Variants in APLN observed in about 807,000 individuals in gnomAD.
The protein encoded by APLN is AGTRL1 ligand.
Under a neutral mutation model 4.3 loss-of-function variants are expected in APLN, and 2 were observed. The ratio of observed to expected loss-of-function variants is 0.46; its 90% CI spans 0.19 to 1.45. The LOEUF (loss-of-function observed/expected upper bound fraction) is 1.45. Ranked by LOEUF, APLN falls within the 40% of genes most tolerant of loss-of-function variation. The probability of loss-of-function intolerance (pLI) is 0.25; values close to 1 mark genes in which losing one functional copy is unlikely to be tolerated. For missense variants in APLN, 80 were observed against 70.0 expected, an observed-to-expected ratio of 1.14 and a Z score of -0.51; for synonymous variants, 34 against 30.4, an observed-to-expected ratio of 1.12 and a Z score of -0.38.
intron 1 of APLN, among the ~76,000 whole-genome samples, chrX:129,649,890 G>A (rs1305376263): frequency 9.0e-6 from 1 of 111,322 alleles, no homozygotes; most frequent in Non-Finnish European, 1.9e-5. Flanking sequence ...GAGGGAAAAG[G>A]CATGCAGGCC....
chrX:129,649,558 T>A (rs944794180), intron 1 of APLN, among the ~76,000 whole-genome samples: 1 of 111,245 alleles, frequency 9.0e-6, no homozygotes, highest in African/African-American at 3.3e-5. Context: ...GACCAATAAA[T>A]ATTGCATGAA....
At chrX:129,653,832 A>G (rs185750275) in intron 1 of APLN, among the ~76,000 whole-genome samples, 98 of 111,673 alleles carry the variant, frequency 8.8e-4, no homozygotes, top group African/African-American at 3.0e-3. Context: ...TGGAGCCAGG[A>G]TGTAAGAGAA....
Position 129,645,770 on chromosome X carries a change from C to A in APLN, c.*2153G>T, listed in dbSNP as rs1936935355. The A allele has an allele frequency of 8.9e-6, 1 of 112,484 alleles. No homozygotes were observed. Among genetic ancestry groups the A allele is most frequent in the Non-Finnish European group, 1.9e-5 (1 of 53,240 alleles). 9.3% of individuals were successfully genotyped at this position (112,484 alleles called of 1,213,427 possible). On this transcript the variant is annotated 3_prime_UTR_variant, in exon 3 of 3. Coordinates refer to ENST00000429967, the MANE Select transcript of APLN (RefSeq NM_017413.5). ...CCATGACCCCCAGGGGAAAGGAATG[C>A]CCCTCCTGAACATGACCTCCAAGAG...
intron 1 of APLN, among the ~76,000 whole-genome samples, chrX:129,649,588 G>A (rs1936965580): frequency 9.0e-6 from 1 of 111,550 alleles, no homozygotes; most frequent in Admixed American, 9.5e-5. Context: ...ATGAATAAAT[G>A]AAACAATGGT....
chrX:129,654,526 C>G, intron 1 of APLN, 38 bp downstream of exon 1: 3 of 1,133,076 alleles, frequency 2.6e-6, no homozygotes, highest in South Asian at 4.0e-5. Context: ...AGGAGCACGC[C>G]GGCTGCAGCC....
chrX:129,652,638 C>T (rs1335439981), intron 1 of APLN, among the ~76,000 whole-genome samples: 2 of 112,467 alleles, frequency 1.8e-5, no homozygotes, highest in Admixed American at 9.3e-5. Flanking sequence ...GTGAGGGCAA[C>T]GAATTTATCC....
In APLN at chrX:129,646,830, G is replaced by C. The variant is rs918665735; in HGVS notation, c.*1093C>G. The C allele has an allele frequency of 8.9e-6, 1 of 112,358 alleles. No individual in the cohort carries two copies. The highest frequency in any genetic ancestry group is 3.2e-5 in the African/African-American group (1 of 30,778). 9.3% of individuals were successfully genotyped at this position (112,358 alleles called of 1,213,427 possible). On this transcript the variant is annotated 3_prime_UTR_variant, in exon 3 of 3. Coordinates refer to ENST00000429967, the MANE Select transcript of APLN (RefSeq NM_017413.5). ...GGGGTAGGTCAGGGAGGTGGGAGCA[G>C]CTCCAGCCCCACAACAGGACAGTTC...
chrX:129,652,285 C>G (rs1050224016), intron 1 of APLN, among the ~76,000 whole-genome samples: 14 of 111,186 alleles, frequency 1.3e-4, no homozygotes, highest in African/African-American at 4.6e-4. Flanking sequence ...GAGGAGTGTA[C>G]GTGGTGGTAG....
At position 129,645,526 on chromosome X, in the gene APLN, T is replaced by TA. The variant is rs201008514; in HGVS notation, c.*2396dup. 3.5e-3 allele frequency: 392 copies of TA among 112,726 alleles called. 3 individuals carry two copies. The highest frequency in any genetic ancestry group is 0.028 in the East Asian group (101 of 3,607). The allele number at this position is 112,726 out of a possible 1,213,427, so 9.3% of individuals were successfully genotyped here. A position where few individuals can be genotyped will look rare whatever the true frequency, so the allele number is the denominator to read the frequency against. On this transcript the variant is annotated 3_prime_UTR_variant, in exon 3 of 3. Coordinates refer to ENST00000429967, the MANE Select transcript of APLN (RefSeq NM_017413.5). ...CAGTATGTTCTTAAATAAACTGCTT[T>TA]AAAAAAATTCTTCAAATGACACTGC... is the stretch of plus-strand genomic sequence containing the variant.
intron 1 of APLN, among the ~76,000 whole-genome samples, chrX:129,649,763 G>T (rs759606166): frequency 1.1e-3 from 122 of 111,118 alleles, no homozygotes; most frequent in Middle Eastern, 9.3e-3. Flanking sequence ...TCTGCACTCT[G>T]GGGCTCCTCT....
chrX:129,654,824 T>G lies in APLN; in HGVS notation c.-194A>C. The G allele has an allele frequency of 4.8e-6, 1 of 208,285 alleles. No individual in the cohort carries two copies. The highest frequency in any genetic ancestry group is 8.6e-6 in the Non-Finnish European group (1 of 115,712). 17.2% of individuals were successfully genotyped at this position (208,285 alleles called of 1,213,427 possible). ...GCCTCCGCTCTTCTGCAGCCTCCTC[T>G]CCCGCCGCGGGGCAGCGCCGCGAAG... On this transcript the variant is annotated 5_prime_UTR_variant, in exon 1 of 3. Transcript: ENST00000429967.
chrX:129,654,237 T>A (rs915189932), intron 1 of APLN, among the ~76,000 whole-genome samples: 31 of 113,392 alleles, frequency 2.7e-4, no homozygotes, highest in Non-Finnish European at 1.5e-4. Flanking sequence ...CGCCTCCACC[T>A]CTACCACGCG....
In APLN at chrX:129,646,651, C is replaced by A. The variant is rs1470964008; in HGVS notation, c.*1272G>T. On this transcript the variant is annotated 3_prime_UTR_variant, in exon 3 of 3. Transcript: ENST00000429967. ...CATGGAGTCCAGTGATTGAAGGCTA[C>A]CTCGGACTCCTGAAAACCACCCTGG... 1 of 112,108 alleles carries A rather than the reference C, an allele frequency of 8.9e-6. No individual in the cohort carries two copies. The highest frequency in any genetic ancestry group is 3.2e-5 in the African/African-American group (1 of 30,828). 9.2% of individuals were successfully genotyped at this position (112,108 alleles called of 1,213,427 possible).
chrX:129,649,849 C>A (rs1936967907), intron 1 of APLN, among the ~76,000 whole-genome samples: 1 of 111,456 alleles, frequency 9.0e-6, no homozygotes, highest in Admixed American at 9.5e-5. Flanking sequence ...ACAATGGAAT[C>A]CAAGTGGTGC....
At chrX:129,651,535 G>A (rs1459968330) in intron 1 of APLN, among the ~76,000 whole-genome samples, 4 of 112,281 alleles carry the variant, frequency 3.6e-5, no homozygotes, top group Non-Finnish European at 7.5e-5. Flanking sequence ...CATTTGCTAC[G>A]TAAAAGGAGG....
At chrX:129,648,577 C>T in intron 2 of APLN, 44 bp downstream of exon 2, 12 of 1,172,345 alleles carry the variant, frequency 1.0e-5, no homozygotes, top group Non-Finnish European at 1.1e-5. Context: ...GGCTGTCCTT[C>T]TCCCTCCGCT....
chrX:129,654,513 G>C, intron 1 of APLN, 51 bp downstream of exon 1: 1 of 1,118,977 alleles, frequency 8.9e-7, no homozygotes, highest in Non-Finnish European at 1.2e-6. Context: ...AGGGCGGAGG[G>C]AAAGGAGCAC....
At chrX:129,650,353 T>A in intron 1 of APLN, among the ~76,000 whole-genome samples, 1 of 111,129 alleles carries the variant, frequency 9.0e-6, no homozygotes, top group South Asian at 3.8e-4. Flanking sequence ...TTCCAAGTGT[T>A]CAGCCTCCTC....
intron 1 of APLN, among the ~76,000 whole-genome samples, chrX:129,651,079 G>A (rs1202500509): frequency 1.8e-5 from 2 of 111,334 alleles, no homozygotes; most frequent in African/African-American, 3.3e-5. Flanking sequence ...CAGATTGTGA[G>A]TGTCTGGCAG....
Sources: gnomAD v4.1 joint callset for allele counts (sites outside exome capture counted in the v4.1 genomes callset) on GRCh38, gnomAD v4.1.1 for gene constraint, MANE v1.5 for transcripts, NCBI Gene and HGNC (gene_info 2026-07-23, HGNC 2026-07-21) for gene names.